NKAIN2: variants seen among roughly 807,000 people sequenced by gnomAD.
NKAIN2 encodes the protein sodium/potassium-transporting ATPase subunit beta-1-interacting protein 2.
NKAIN2 carries 14 observed loss-of-function variants against 32.6 expected under a neutral mutation model. The observed-to-expected ratio is 0.43, with a 90% CI of 0.28 to 0.67. The LOEUF (loss-of-function observed/expected upper bound fraction) is 0.67, where lower values mean the gene tolerates loss of function less well. NKAIN2 is among the 30% of genes least tolerant of loss of function. The pLI is 0.17. For missense variants in NKAIN2, 198 were observed against 258.3 expected (o/e 0.77, Z 1.60); for synonymous variants, 80 against 87.2 (o/e 0.92, Z 0.46).
At chr6:124,773,715 AAG>A (rs1210879845) in intron 4 of NKAIN2, among the ~76,000 whole-genome samples, 1 of 152,174 alleles carries the variant, frequency 6.6e-6, no homozygotes, top group Non-Finnish European at 1.5e-5. Context: ...AACACAATAA[AAG>A]GGACTTTTTC....
chr6:124,572,837 T>TTTTA (rs200254373), intron 3 of NKAIN2, among the ~76,000 whole-genome samples: 4,917 of 152,030 alleles, frequency 0.032, 142 homozygotes, highest in African/African-American at 0.082. Flanking sequence ...ATATTTGTTA[T>TTTTA]TTTATTTATT....
chr6:124,056,966 A>C (rs1782682829), intron 1 of NKAIN2, among the ~76,000 whole-genome samples: 1 of 152,048 alleles, frequency 6.6e-6, no homozygotes, highest in Non-Finnish European at 1.5e-5. Flanking sequence ...AATGAGATCC[A>C]TCTATCAAGA....
intron 2 of NKAIN2, among the ~76,000 whole-genome samples, chr6:124,292,697 A>C (rs73773713): frequency 0.029 from 4,467 of 152,090 alleles, 221 homozygotes; most frequent in African/African-American, 0.1. Context: ...AATTAAGAAA[A>C]ATGATATTTA....
chr6:124,241,073 T>G (rs928957005), intron 1 of NKAIN2, among the ~76,000 whole-genome samples: 14 of 152,066 alleles, frequency 9.2e-5, no homozygotes, highest in Non-Finnish European at 1.9e-4. Flanking sequence ...TGTGCAAAAA[T>G]GACAAGCATT....
At chr6:124,365,366 T>C (rs1481291703) in intron 3 of NKAIN2, among the ~76,000 whole-genome samples, 1 of 151,892 alleles carries the variant, frequency 6.6e-6, no homozygotes, top group Non-Finnish European at 1.5e-5. Flanking sequence ...CAAATATAGT[T>C]TTTGTAGATT....
intron 1 of NKAIN2, among the ~76,000 whole-genome samples, chr6:124,098,731 G>T (rs1784750826): frequency 6.6e-6 from 1 of 151,984 alleles, no homozygotes; most frequent in South Asian, 2.1e-4. Flanking sequence ...TGAGCCAGGA[G>T]TGGTGGCACG....
intron 1 of NKAIN2, among the ~76,000 whole-genome samples, chr6:123,984,628 G>A (rs1248013566): frequency 6.6e-6 from 1 of 152,070 alleles, no homozygotes; most frequent in Non-Finnish European, 1.5e-5. Flanking sequence ...CTTTTTCTCT[G>A]TATTAAGTTC....
chr6:124,094,037 G>T (rs1217685861), intron 1 of NKAIN2, among the ~76,000 whole-genome samples: 1 of 152,108 alleles, frequency 6.6e-6, no homozygotes, highest in Non-Finnish European at 1.5e-5. Context: ...CTTCACTGTG[G>T]CGTCTGAACA....
At chr6:124,447,975 T>G (rs1775963144) in intron 3 of NKAIN2, among the ~76,000 whole-genome samples, 1 of 152,096 alleles carries the variant, frequency 6.6e-6, no homozygotes, top group African/African-American at 2.4e-5. Flanking sequence ...ACAGTATGTA[T>G]CCCTTAAGTA....
At chr6:123,927,804 AAGG>A (rs948744418) in intron 1 of NKAIN2, among the ~76,000 whole-genome samples, 3 of 152,098 alleles carry the variant, frequency 2.0e-5, no homozygotes, top group African/African-American at 7.2e-5. Context: ...AGGGGAGGAG[AAGG>A]AGGAGGGTCC....
chr6:124,275,078 A>G (rs1420042394), intron 1 of NKAIN2, among the ~76,000 whole-genome samples: 1 of 152,140 alleles, frequency 6.6e-6, no homozygotes, highest in Non-Finnish European at 1.5e-5. Context: ...TATGCTAGTC[A>G]TCAGCTTGTC....
intron 3 of NKAIN2, among the ~76,000 whole-genome samples, chr6:124,494,049 TAAC>T (rs1023266088): frequency 1.3e-5 from 2 of 152,084 alleles, no homozygotes; most frequent in African/African-American, 4.8e-5. Flanking sequence ...ACTCCAACCA[TAAC>T]AACCTTCCTG....
chr6:123,819,337 A>G (rs1455983199), intron 1 of NKAIN2, among the ~76,000 whole-genome samples: 2 of 152,100 alleles, frequency 1.3e-5, no homozygotes, highest in South Asian at 2.1e-4. Context: ...CCCGATTGCA[A>G]TTATCCCCCA....
chr6:124,429,049 T>A (rs186232486), intron 3 of NKAIN2, among the ~76,000 whole-genome samples: 34 of 152,238 alleles, frequency 2.2e-4, no homozygotes, highest in African/African-American at 7.7e-4. Context: ...CTCTTTTTTT[T>A]ATGTTTTGAG....
chr6:124,202,025 T>C lies in NKAIN2; in HGVS notation c.55-80980T>C, dbSNP rs913055261. ...GGTTAGCTATAATTCTCAGACTACC[T>C]GTAAAAGATATCTAAGGCTATTTTT... On this transcript the variant is annotated intron_variant, in intron 1 of 6. Transcript: ENST00000368417. Among the ~76,000 whole-genome samples, 18 of 151,970 alleles carry C rather than the reference T, an allele frequency of 1.2e-4. 1 individual carries two copies. The highest frequency in any genetic ancestry group is 1.1e-3 in the Admixed American group (17 of 15,226).
chr6:124,628,516 G>A (rs1783443284), intron 3 of NKAIN2, among the ~76,000 whole-genome samples: 1 of 151,798 alleles, frequency 6.6e-6, no homozygotes, highest in African/African-American at 2.4e-5. Context: ...GTCACTTGGG[G>A]ATAGATGTTT....
chr6:123,851,220 A>C (rs1435624541), intron 1 of NKAIN2, among the ~76,000 whole-genome samples: 2 of 139,018 alleles, frequency 1.4e-5, no homozygotes, highest in East Asian at 4.6e-4. Context: ...CAGTAGGGGG[A>C]TTGCTGGATC....
intron 1 of NKAIN2, among the ~76,000 whole-genome samples, chr6:123,928,079 AG>A (rs1776086997): frequency 6.6e-6 from 1 of 152,212 alleles, no homozygotes; most frequent in Admixed American, 6.5e-5. Flanking sequence ...AAAAAAGCAC[AG>A]AATAATGTCC....
chr6:123,952,059 G>A (rs1034042418), intron 1 of NKAIN2, among the ~76,000 whole-genome samples: 18 of 151,880 alleles, frequency 1.2e-4, no homozygotes, highest in African/African-American at 1.7e-4. Flanking sequence ...GTAGGACTTC[G>A]TTAAGCATTT....
Sources: gnomAD v4.1 joint callset for allele counts (sites outside exome capture counted in the v4.1 genomes callset) on GRCh38, gnomAD v4.1.1 for gene constraint, MANE v1.5 for transcripts, NCBI Gene and HGNC (gene_info 2026-07-23, HGNC 2026-07-21) for gene names.